Variants in GOLGA4 observed in about 807,000 individuals in gnomAD.
GOLGA4 encodes golgin subfamily A member 4.
A neutral mutation model predicts 265.9 loss-of-function variants in GOLGA4; 169 were observed. The ratio of observed to expected loss-of-function variants is 0.64; its 90% CI spans 0.56 to 0.72. GOLGA4 has a LOEUF of 0.72. Among genes scored for constraint, GOLGA4 ranks in the 30% least tolerant of loss-of-function variants. The probability of loss-of-function intolerance (pLI) is 0.00; values close to 1 mark genes in which losing one functional copy is unlikely to be tolerated. For missense variants in GOLGA4, 2,482 were observed against 2,483.4 expected (o/e 1.00, Z 0.01); for synonymous variants, 923 against 855.8 (o/e 1.08, Z -1.37).
At chr3:37,362,534 G>A (rs1696385419) in intron 23 of GOLGA4, among the ~76,000 whole-genome samples, 2 of 150,946 alleles carry the variant, frequency 1.3e-5, no homozygotes, top group African/African-American at 2.4e-5. Flanking sequence ...GCCGCGCCCG[G>A]CCTTATTTAT....
chr3:37,361,873 T>C (rs565366275), intron 23 of GOLGA4, among the ~76,000 whole-genome samples: 19 of 152,358 alleles, frequency 1.2e-4, no homozygotes, highest in African/African-American at 4.6e-4. Context: ...TTTAATTGAA[T>C]GTGATTCTTC....
chr3:37,363,047 G>C (rs1420761773), intron 23 of GOLGA4, among the ~76,000 whole-genome samples: 1 of 152,034 alleles, frequency 6.6e-6, no homozygotes, highest in Non-Finnish European at 1.5e-5. Context: ...CTCCCAAAGT[G>C]CTGGGATTAC....
intron 21 of GOLGA4, among the ~76,000 whole-genome samples, chr3:37,349,388 G>A (rs1050930814): frequency 1.3e-5 from 2 of 152,126 alleles, no homozygotes; most frequent in African/African-American, 2.4e-5. Context: ...GAGGTGGTGT[G>A]TATACTGGGA....
intron 2 of GOLGA4, among the ~76,000 whole-genome samples, chr3:37,257,916 T>C (rs1265024493): frequency 8.3e-6 from 1 of 120,952 alleles, no homozygotes; most frequent in Non-Finnish European, 1.7e-5. Flanking sequence ...TATATATATG[T>C]ATGTATATAT....
At chr3:37,292,720 A>G (rs1189505806) in intron 5 of GOLGA4, among the ~76,000 whole-genome samples, 2 of 152,148 alleles carry the variant, frequency 1.3e-5, no homozygotes, top group Non-Finnish European at 2.9e-5. Context: ...AACAATTAGG[A>G]AGGACATATT....
chr3:37,294,844 C>G (rs1273821344), intron 5 of GOLGA4, 135 bp from the exon 6 acceptor site: 7 of 569,504 alleles, frequency 1.2e-5, no homozygotes, highest in South Asian at 2.5e-5. Flanking sequence ...GTTTTACATA[C>G]TAATTATTCT....
chr3:37,295,231 T>A (rs2096875023), intron 6 of GOLGA4, among the ~76,000 whole-genome samples, 154 bp downstream of exon 6: 1 of 152,232 alleles, frequency 6.6e-6, no homozygotes. Context: ...TTTTTAATTT[T>A]TTTTGAGACA....
At chr3:37,330,197 T>C (rs1263692123) in intron 16 of GOLGA4, among the ~76,000 whole-genome samples, 1 of 148,102 alleles carries the variant, frequency 6.8e-6, no homozygotes, top group African/African-American at 2.5e-5. Context: ...TTAGTTCTAC[T>C]TTTTTTTTTT....
intron 4 of GOLGA4, among the ~76,000 whole-genome samples, chr3:37,286,815 A>C (rs1212713961): frequency 6.6e-6 from 1 of 152,146 alleles, no homozygotes. Context: ...CTCTTCTATA[A>C]TAACTATTTC....
chr3:37,243,640 C>T lies in GOLGA4; in HGVS notation c.72+18C>T. On this transcript the variant is annotated intron_variant, in intron 1 of 23. Coordinates refer to ENST00000361924, the MANE Select transcript of GOLGA4 (RefSeq NM_002078.5). ...CTGCTCAGGTACGATGGCCGCCGCT[C>T]TCCTCCCCTGGTTCCGAATACCTCT... The T allele has an allele frequency of 6.2e-7, 1 of 1,603,502 alleles. No individual in the cohort carries two copies. Among genetic ancestry groups the T allele is most frequent in the Non-Finnish European group, 8.5e-7 (1 of 1,170,818 alleles).
At position 37,307,492 on chromosome 3, in the gene GOLGA4, G is replaced by C. The variant is rs141818091; in HGVS notation, c.1234+5160G>C. On this transcript the variant is annotated intron_variant, in intron 10 of 23. Coordinates refer to ENST00000361924, the MANE Select transcript of GOLGA4 (RefSeq NM_002078.5). ...AAGTCTCACAAAACATCTTATTTTT[G>C]TGCATCCACACATGCCAATAAGTGA... 2.6e-3 allele frequency among the ~76,000 whole-genome samples: 396 copies of C among 152,100 alleles called. 1 individual carries two copies. The highest frequency in any genetic ancestry group is 4.4e-3 in the Non-Finnish European group (301 of 67,984).
intron 1 of GOLGA4, chr3:37,250,606 A>G (rs563960633): frequency 1.3e-5 from 2 of 152,168 alleles, no homozygotes; most frequent in Non-Finnish European, 2.9e-5. Context: ...CTACAAAAAG[A>G]GGTAAGATAT....
intron 2 of GOLGA4, among the ~76,000 whole-genome samples, chr3:37,255,255 G>A (rs1003081195): frequency 6.6e-6 from 1 of 151,984 alleles, no homozygotes; most frequent in Admixed American, 6.6e-5. Context: ...CCACCTCCCG[G>A]GTTCAAGCAA....
chr3:37,359,796 C>T (rs776309180), intron 22 of GOLGA4, among the ~76,000 whole-genome samples: 5 of 152,142 alleles, frequency 3.3e-5, no homozygotes, highest in African/African-American at 9.7e-5. Context: ...CATTCCCACA[C>T]GAGGTTTACC....
intron 23 of GOLGA4, among the ~76,000 whole-genome samples, chr3:37,365,786 T>C (rs895045488): frequency 5.3e-5 from 8 of 151,192 alleles, no homozygotes; most frequent in African/African-American, 1.7e-4. Flanking sequence ...ATTTAGTGTT[T>C]AGACAATTTC....
Position 37,361,331 on chromosome 3 carries a change from CT to C in GOLGA4, c.*33+30del, listed in dbSNP as rs979359734. 1.8e-4 allele frequency: 283 copies of C among 1,560,886 alleles called. 1 individual carries two copies. Among genetic ancestry groups the C allele is most frequent in the Admixed American group, 9.2e-4 (55 of 59,496 alleles). Reference sequence around the variant, plus strand: ...GTGAGTGAAGAACAATGTCTTGTGTCTTTTGTGCAAAAATCAAATGTGTTGC... The same window carrying C: ...GTGAGTGAAGAACAATGTCTTGTGTCTTTGTGCAAAAATCAAATGTGTTGC... On this transcript the variant is annotated intron_variant, in intron 23 of 23. Coordinates refer to ENST00000361924, the MANE Select transcript of GOLGA4 (RefSeq NM_002078.5).
intron 2 of GOLGA4, among the ~76,000 whole-genome samples, chr3:37,278,268 C>G (rs1423641568): frequency 1.3e-5 from 2 of 151,366 alleles, no homozygotes; most frequent in Non-Finnish European, 2.9e-5. Context: ...GGCGTGATCT[C>G]AGCTCACTGC....
At chr3:37,296,259 A>T (rs761881675) in intron 7 of GOLGA4, 40 bp downstream of exon 7, 2 of 1,602,474 alleles carry the variant, frequency 1.2e-6, no homozygotes, top group South Asian at 2.2e-5. Context: ...TAAAAACTAG[A>T]GGAGAGCCAG....
chr3:37,298,986 T>A lies in GOLGA4; in HGVS notation c.968T>A (p.Leu323Gln), dbSNP rs920678289. 4 of 1,596,166 alleles carry A rather than the reference T, an allele frequency of 2.5e-6. No homozygotes were observed. The South Asian group carries it at 4.6e-5, about 18-fold the overall frequency. The change falls in exon 8 of 24, where the codon CTG becomes CAG. Residue 323 changes from leucine to glutamine, a missense_variant. By Grantham distance (113) the Leu-to-Gln change is moderately radical. Around this residue, in one of 3 missense-constraint regions of GOLGA4, gnomAD observed 1,536 missense variants for 1,483.7 expected, o/e 1.04. Transcript: ENST00000361924. ...TSEKEALQEQLDERLQELEKI... is the reference protein window; with the variant it reads ...TSEKEALQEQQDERLQELEKI... Reference sequence around the variant, plus strand: ...GAAAAAGAAGCTCTGCAAGAACAACTGGATGAAAGACTTCAAGAACTAGAA... The same window carrying A: ...GAAAAAGAAGCTCTGCAAGAACAACAGGATGAAAGACTTCAAGAACTAGAA...
Sources: gnomAD v4.1 joint callset for allele counts (sites outside exome capture counted in the v4.1 genomes callset) on GRCh38, gnomAD v4.1.1 for gene constraint, gnomAD v4.1.1 regional missense constraint, MANE v1.5 for transcripts, NCBI Gene and HGNC (gene_info 2026-07-23, HGNC 2026-07-21) for gene names.